Variants in PFKM observed in about 807,000 individuals in gnomAD.
The protein encoded by PFKM is phosphofructokinase, muscle, also known as ATP-dependent 6-phosphofructokinase, muscle type.
PFKM carries 58 observed loss-of-function variants against 95.5 expected under a neutral mutation model. That is an observed-to-expected ratio of 0.61 (90% CI 0.49 to 0.76). PFKM has a LOEUF of 0.76. Among genes scored for constraint, PFKM ranks in the 30% least tolerant of loss-of-function variants. PFKM has a pLI of 0.00. For missense variants in PFKM, 678 were observed against 1,005.4 expected, an observed-to-expected ratio of 0.67 and a Z score of 4.40; for synonymous variants, 336 against 357.2, an observed-to-expected ratio of 0.94 and a Z score of 0.67.
At chr12:48,117,137 C>G (rs1947747617), upstream of PFKM, among the ~76,000 whole-genome samples, 1 of 152,092 alleles carries the variant, frequency 6.6e-6, no homozygotes, top group South Asian at 2.1e-4. Context: ...CCTTTTCACA[C>G]TGGCCCGTTT....
At chr12:48,118,449 C>T, upstream of PFKM, 1 of 1,092,470 alleles carries the variant, frequency 9.2e-7, no homozygotes, top group Non-Finnish European at 1.3e-6. Context: ...GGTTTTATCT[C>T]CTAGTCACTT....
chr12:48,118,428 T>G, upstream of PFKM: 1 of 869,924 alleles, frequency 1.1e-6, no homozygotes, highest in Non-Finnish European at 1.8e-6. Flanking sequence ...TTATTTTGTG[T>G]AGTCAAATGG....
chr12:48,121,807 G>A (rs561626915), intron 1 of PFKM, among the ~76,000 whole-genome samples: 1 of 152,226 alleles, frequency 6.6e-6, no homozygotes, highest in South Asian at 2.1e-4. Flanking sequence ...TAATAAGAAG[G>A]GAGAATAATA....
At chr12:48,108,470 G>T (rs1183296255) in intron 3 of PFKM, among the ~76,000 whole-genome samples, 1 of 151,978 alleles carries the variant, frequency 6.6e-6, no homozygotes, top group Non-Finnish European at 1.5e-5. Flanking sequence ...AACTTAATTT[G>T]GTCAATATTA....
chr12:48,121,304 TGG>T (rs1565858972), intron 1 of PFKM, among the ~76,000 whole-genome samples: 1 of 152,230 alleles, frequency 6.6e-6, no homozygotes, highest in African/African-American at 2.4e-5. Flanking sequence ...CAGGTGACAA[TGG>T]AGCAGAGAAT....
upstream of PFKM, chr12:48,119,348 C>T: frequency 1.0e-6 from 1 of 985,008 alleles, no homozygotes; most frequent in Non-Finnish European, 1.2e-6. Context: ...TCACCCCTCC[C>T]CCCTTTCCCA....
chr12:48,131,193 C>A, intron 3 of PFKM, 123 bp from the exon 4 acceptor site: 1 of 752,270 alleles, frequency 1.3e-6, no homozygotes, highest in Non-Finnish European at 2.4e-6. Flanking sequence ...CACGAGCATC[C>A]AGGACTCACT....
rs1482850430 is a variant in PFKM at position 48,132,966 on chromosome 12, T to C, written c.336T>C (p.Asn112=). 1.2e-6 allele frequency: 2 copies of C among 1,614,096 alleles called. No individual in the cohort carries two copies. Among genetic ancestry groups the C allele is most frequent in the Admixed American group, 1.7e-5 (1 of 60,014 alleles). The stretch of plus-strand genomic sequence containing the variant: ...ACCTGGTGAAGCGTGGGATCACCAA[T>C]CTCTGTGTCATTGGGGGTGATGGCA... ...AYNLVKRGIT[N]LCVIGGDGSL... Residue 112 remains asparagine (N), a synonymous_variant, in exon 5 of 23, where the codon AAT becomes AAC. Coordinates refer to ENST00000359794, the MANE Select transcript of PFKM (RefSeq NM_000289.6).
intron 2 of PFKM, among the ~76,000 whole-genome samples, chr12:48,107,659 G>A (rs1946810561): frequency 6.6e-6 from 1 of 152,148 alleles, no homozygotes; most frequent in Non-Finnish European, 1.5e-5. Flanking sequence ...TGTTGTGATA[G>A]ATGCCAGGCA....
exon 1 of PFKM, chr12:48,106,070 C>T (rs1275366228): frequency 2.8e-6 from 2 of 702,508 alleles, no homozygotes; most frequent in Admixed American, 4.0e-5. Flanking sequence ...TCCGGCCGGG[C>T]GCGGAACGCA....
In PFKM at chr12:48,141,773, T is replaced by C; in HGVS notation, c.1446T>C (p.Ser482=). The change falls in exon 16 of 23, where the codon AGT becomes AGC. Residue 482 remains serine, a synonymous_variant. Transcript: ENST00000359794. ...CCAAGAAGAGCTTTGAACAGATCAG[T>C]GCCAATATAACTAAGTTTAACATTC... ...TLPKKSFEQI[S]ANITKFNIQG... is the part of the protein sequence containing the mutation. 6.2e-7 allele frequency: 1 copy of C among 1,613,798 alleles called. No homozygotes were observed. The highest frequency in any genetic ancestry group is 8.5e-7 in the Non-Finnish European group (1 of 1,179,716).
chr12:48,131,417 C>T (rs758848737), intron 4 of PFKM, 24 bp downstream of exon 4: 6 of 1,529,840 alleles, frequency 3.9e-6, no homozygotes, highest in East Asian at 2.2e-5. Context: ...AACTCCCTGT[C>T]CCATATTTGC....
At position 48,122,837 on chromosome 12, in the gene PFKM, A is replaced by T; in HGVS notation, c.63A>T (p.Leu21Phe). 2 of 1,614,146 alleles carry T rather than the reference A, an allele frequency of 1.2e-6. No individual in the cohort carries two copies. The highest frequency in any genetic ancestry group is 1.7e-6 in the Non-Finnish European group (2 of 1,179,966). ...GGATTGGCAAAGCCATTGCTGTCTT[A>T]ACCTCTGGTGGAGATGCCCAAGGTA... is the stretch of plus-strand genomic sequence containing the variant. ...TLGIGKAIAVLTSGGDAQGMN... is the reference protein window; with the variant it reads ...TLGIGKAIAVFTSGGDAQGMN... The change falls in exon 2 of 23, where the codon TTA (leucine) becomes TTT (phenylalanine). Residue 21 changes from leucine (L) to phenylalanine (F), a missense_variant. Leu to Phe is a conservative substitution (Grantham distance 22, BLOSUM62 0). Coordinates refer to ENST00000359794, the MANE Select transcript of PFKM (RefSeq NM_000289.6).
At chr12:48,143,681 G>A in intron 18 of PFKM, 72 bp from the exon 19 acceptor site, 1 of 1,018,752 alleles carries the variant, frequency 9.8e-7, no homozygotes, top group Non-Finnish European at 1.6e-6. Context: ...GGAGAGGTGT[G>A]GTGTGGAAGA....
At chr12:48,123,239 A>G (rs898937170) in intron 2 of PFKM, among the ~76,000 whole-genome samples, 1 of 152,298 alleles carries the variant, frequency 6.6e-6, no homozygotes, top group Admixed American at 6.5e-5. Flanking sequence ...GAATTAGTAT[A>G]TGGTGGGTCC....
chr12:48,118,577 G>A (rs752290558), upstream of PFKM: 18 of 1,455,782 alleles, frequency 1.2e-5, no homozygotes, highest in South Asian at 1.9e-4. Context: ...GCAAAGGGAA[G>A]GTGAGACTTG....
chr12:48,122,258 A>G (rs1423996149), intron 1 of PFKM, among the ~76,000 whole-genome samples: 1 of 152,110 alleles, frequency 6.6e-6, no homozygotes, highest in Non-Finnish European at 1.5e-5. Flanking sequence ...CCCCATTCCA[A>G]TAGCACAATT....
rs780423112 is a variant in PFKM, at chr12:48,134,924, A to G, written c.748-19A>G. 5.0e-6 allele frequency: 8 copies of G among 1,608,750 alleles called. No homozygotes were observed. In the East Asian group the frequency reaches 1.6e-4, roughly 31 times the overall value. On this transcript the variant is annotated intron_variant, in intron 8 of 22. Coordinates refer to ENST00000359794, the MANE Select transcript of PFKM (RefSeq NM_000289.6). ...TCAGCTTCATTCCATGGACCATTTT[A>G]CCCTTTGTTCTCAACCAGACAAGGA...
At chr12:48,106,706 G>GCAAA (rs60225572) in intron 1 of PFKM, among the ~76,000 whole-genome samples, 98,782 of 151,064 alleles carry the variant, frequency 0.65, 32,610 homozygotes, top group East Asian at 0.96. Context: ...CATTCAGCAA[G>GCAAA]CAAACAAACA....
Sources: gnomAD v4.1 joint callset for allele counts (sites outside exome capture counted in the v4.1 genomes callset) on GRCh38, gnomAD v4.1.1 for gene constraint, MANE v1.5 for transcripts, NCBI Gene and HGNC (gene_info 2026-07-23, HGNC 2026-07-21) for gene names.